Variants in ZNF410 observed in about 807,000 individuals in gnomAD.
The protein encoded by ZNF410 is zinc finger protein 410, also known as another partner for ARF 1.
ZNF410 carries 18 observed loss-of-function variants against 54.8 expected under a neutral mutation model. The ratio of observed to expected loss-of-function variants is 0.33; its 90% CI spans 0.23 to 0.49. ZNF410 has a LOEUF of 0.49. Ranked by LOEUF, ZNF410 falls within the 20% of genes least tolerant of loss-of-function variation. The probability of loss-of-function intolerance (pLI) is 0.99; values close to 1 mark genes in which losing one functional copy is unlikely to be tolerated. For synonymous variants in ZNF410, 191 were observed against 207.3 expected (o/e 0.92, Z 0.68); for missense variants, 405 against 569.6 (o/e 0.71, Z 2.94).
At chr14:73,914,254 A>T (rs528311354) in intron 8 of ZNF410, 1 of 151,342 alleles carries the variant, frequency 6.6e-6, no homozygotes, top group African/African-American at 2.4e-5. Flanking sequence ...GCTCACTGCA[A>T]CCTCCACCTC....
At chr14:73,892,577 CTG>C (rs1189917363) in intron 2 of ZNF410, among the ~76,000 whole-genome samples, 1 of 151,668 alleles carries the variant, frequency 6.6e-6, no homozygotes, top group Non-Finnish European at 1.5e-5. Context: ...TTATATATAT[CTG>C]TAAGTATTTT....
chr14:73,898,667 T>G (rs774595729), intron 5 of ZNF410: 25 of 268,398 alleles, frequency 9.3e-5, no homozygotes, highest in Non-Finnish European at 1.6e-4. Flanking sequence ...ACCAAATCCA[T>G]GAAAATAAAA....
chr14:73,897,971 CAAAAAA>C, intron 4 of ZNF410, 94 bp from the exon 5 acceptor site: 121 of 685,494 alleles, frequency 1.8e-4, no homozygotes, highest in Admixed American at 4.0e-4. Flanking sequence ...GACGCCGTCT[CAAAAAA>C]AAAAAAAAAA....
chr14:73,887,845 C>G (rs1347001481), intron 1 of ZNF410, among the ~76,000 whole-genome samples: 1 of 152,198 alleles, frequency 6.6e-6, no homozygotes, highest in Non-Finnish European at 1.5e-5. Flanking sequence ...TGCTGAATCT[C>G]TAGCTCTGGG....
At chr14:73,891,860 T>C (rs1169736605) in intron 1 of ZNF410, 167 bp from the exon 2 acceptor site, 2 of 591,660 alleles carry the variant, frequency 3.4e-6, no homozygotes, top group Non-Finnish European at 5.9e-6. Flanking sequence ...TTTTATGGGT[T>C]TTGATGCCTG....
At chr14:73,928,809 A>G (rs1233780434) in intron 11 of ZNF410, among the ~76,000 whole-genome samples, 1 of 152,186 alleles carries the variant, frequency 6.6e-6, no homozygotes, top group African/African-American at 2.4e-5. Flanking sequence ...TTATCCAGGC[A>G]TAGTGGTGCA....
At chr14:73,913,707 C>T (rs567908120) in intron 8 of ZNF410, 1 of 152,254 alleles carries the variant, frequency 6.6e-6, no homozygotes, top group South Asian at 2.1e-4. Flanking sequence ...AAACAATCCT[C>T]CTGTTCTCCG....
chr14:73,913,935 A>T (rs1026501873), intron 8 of ZNF410: 2 of 152,072 alleles, frequency 1.3e-5, no homozygotes, highest in East Asian at 1.9e-4. Context: ...AGTAGTTTTT[A>T]AAAAATAGAT....
intron 8 of ZNF410, 186 bp downstream of exon 8, chr14:73,909,616 G>A (rs2055546883): frequency 8.7e-6 from 4 of 461,764 alleles, no homozygotes; most frequent in South Asian, 3.0e-5. Flanking sequence ...TTGGGGGGGG[G>A]ACATCTAATT....
intron 2 of ZNF410, 41 bp downstream of exon 2, chr14:73,892,249 A>G (rs1283479518): frequency 2.5e-6 from 4 of 1,606,478 alleles, no homozygotes; most frequent in South Asian, 1.1e-5. Context: ...TTGGTGGGCT[A>G]TATTTCAAAG....
In ZNF410 at chr14:73,919,464, C is replaced by T. The variant is rs555433263; in HGVS notation, c.1004-1516C>T. Among the ~76,000 whole-genome samples the T allele has an allele frequency of 2.6e-5, 4 of 152,220 alleles. No homozygotes were observed. In the South Asian group the frequency reaches 8.3e-4, roughly 32 times the overall value. ...GCCCCGTAGCCGCTTTTGGAATCCC[C>T]AGTGTTTATTGTTCCCATCTTTGTG... On this transcript the variant is annotated intron_variant, in intron 8 of 11. Coordinates refer to ENST00000555044, the MANE Select transcript of ZNF410 (RefSeq NM_021188.3).
At chr14:73,899,189 A>G (rs565417055) in intron 5 of ZNF410, among the ~76,000 whole-genome samples, 1 of 152,220 alleles carries the variant, frequency 6.6e-6, no homozygotes, top group African/African-American at 2.4e-5. Context: ...CATTCAAATG[A>G]AAATAAAAAG....
In ZNF410 at chr14:73,909,337, C is replaced by T. The variant is rs370298827; in HGVS notation, c.914-4C>T. On this transcript the variant is annotated splice_region_variant and splice_polypyrimidine_tract_variant and intron_variant, in intron 7 of 11. Coordinates refer to ENST00000555044, the MANE Select transcript of ZNF410 (RefSeq NM_021188.3). The stretch of plus-strand genomic sequence containing the variant: ...TGAGTCTTTATCTCATTTTCTGTCT[C>T]TAGGAGAGAAACCTTTCCTTTGTGA... The T allele has an allele frequency of 5.4e-4, 870 of 1,612,714 alleles. 1 individual carries two copies. Among genetic ancestry groups the T allele is most frequent in the Admixed American group, 1.6e-3 (93 of 59,704 alleles).
At chr14:73,926,141 G>A (rs2055826388) in intron 11 of ZNF410, among the ~76,000 whole-genome samples, 1 of 152,172 alleles carries the variant, frequency 6.6e-6, no homozygotes, top group Non-Finnish European at 1.5e-5. Flanking sequence ...TTGTAGGCAT[G>A]TCATTTCTTC....
At chr14:73,889,080 C>G (rs1784291310) in intron 1 of ZNF410, among the ~76,000 whole-genome samples, 1 of 152,152 alleles carries the variant, frequency 6.6e-6, no homozygotes, top group Admixed American at 6.5e-5. Context: ...ATTTTACAAT[C>G]CTGGAATCTC....
chr14:73,891,280 T>C (rs2055226772), intron 1 of ZNF410, among the ~76,000 whole-genome samples: 1 of 152,210 alleles, frequency 6.6e-6, no homozygotes, highest in Admixed American at 6.5e-5. Context: ...TAATAGCAAG[T>C]ATATAATTTT....
At chr14:73,919,960 G>A (rs2055732859) in intron 8 of ZNF410, among the ~76,000 whole-genome samples, 1 of 122,414 alleles carries the variant, frequency 8.2e-6, no homozygotes, top group Admixed American at 1.1e-4. Flanking sequence ...CAGTCTCTGT[G>A]ATGAATATTT....
intron 1 of ZNF410, 150 bp downstream of exon 1, chr14:73,887,065 C>A (rs981194945): frequency 5.9e-5 from 9 of 152,766 alleles, no homozygotes; most frequent in African/African-American, 1.7e-4. Flanking sequence ...ATCTGGCGGG[C>A]CCGGGAGCGG....
intron 8 of ZNF410, among the ~76,000 whole-genome samples, chr14:73,912,427 G>A (rs1207677253): frequency 1.3e-5 from 2 of 152,038 alleles, no homozygotes; most frequent in Admixed American, 6.6e-5. Context: ...TTGGCCTCCC[G>A]AAGTGCTGGG....
Sources: gnomAD v4.1 joint callset for allele counts (sites outside exome capture counted in the v4.1 genomes callset) on GRCh38, gnomAD v4.1.1 for gene constraint, MANE v1.5 for transcripts, NCBI Gene and HGNC (gene_info 2026-07-23, HGNC 2026-07-21) for gene names.